Variants in TPCN1 observed in about 807,000 individuals in gnomAD.
TPCN1 encodes two pore channel protein 1.
Under a neutral mutation model 108.8 loss-of-function variants are expected in TPCN1, and 52 were observed. The ratio of observed to expected loss-of-function variants is 0.48; its 90% CI spans 0.38 to 0.60. The LOEUF is 0.60. Among genes scored for constraint, TPCN1 ranks in the 20% least tolerant of loss-of-function variants. TPCN1 has a pLI of 0.00. For synonymous variants in TPCN1, 446 were observed against 433.7 expected (o/e 1.03, Z -0.35); for missense variants, 806 against 1,072.8 (o/e 0.75, Z 3.47).
chr12:113,244,244 G>T, intron 2 of TPCN1: 3 of 946,130 alleles, frequency 3.2e-6, no homozygotes, highest in Non-Finnish European at 1.3e-6. Context: ...GTACTGCCCC[G>T]TTGAGCCTTT....
At chr12:113,223,686 G>A (rs1013956100) in intron 1 of TPCN1, among the ~76,000 whole-genome samples, 1 of 152,126 alleles carries the variant, frequency 6.6e-6, no homozygotes, top group Admixed American at 6.6e-5. Flanking sequence ...TGGGATTACA[G>A]GCATGCACCA....
At chr12:113,233,199 C>T (rs531039622) in intron 2 of TPCN1, among the ~76,000 whole-genome samples, 32 of 152,344 alleles carry the variant, frequency 2.1e-4, no homozygotes, top group African/African-American at 7.5e-4. Context: ...CATCTCTTCC[C>T]GTCCCCCTTT....
chr12:113,249,915 C>G (rs1206919952), intron 2 of TPCN1: 1 of 152,288 alleles, frequency 6.6e-6, no homozygotes, highest in Non-Finnish European at 1.5e-5. Context: ...GCTGACCAAT[C>G]TCTGTGCTTC....
intron 3 of TPCN1, among the ~76,000 whole-genome samples, chr12:113,262,086 G>A (rs1955061530): frequency 6.6e-6 from 1 of 152,184 alleles, no homozygotes; most frequent in African/African-American, 2.4e-5. Context: ...TTGAGTAAGA[G>A]CTTGGATGAG....
chr12:113,222,998 A>G (rs553681456), intron 1 of TPCN1, among the ~76,000 whole-genome samples: 1 of 152,318 alleles, frequency 6.6e-6, no homozygotes, highest in Admixed American at 6.5e-5. Context: ...GTTTGAAAAT[A>G]TCTGTGGTAA....
At chr12:113,252,492 T>C (rs1342797006) in intron 2 of TPCN1, among the ~76,000 whole-genome samples, 1 of 151,908 alleles carries the variant, frequency 6.6e-6, no homozygotes, top group African/African-American at 2.4e-5. Context: ...CCAAAGGGGG[T>C]CTTCACGGCA....
intron 17 of TPCN1, among the ~76,000 whole-genome samples, 179 bp from the exon 18 acceptor site, chr12:113,285,710 A>AT (rs2136723627): frequency 6.6e-6 from 1 of 152,320 alleles, no homozygotes; most frequent in East Asian, 1.9e-4. Context: ...GTTGGCCACC[A>AT]TCTAGGCCCT....
chr12:113,263,145 A>G (rs1449167791), intron 3 of TPCN1, among the ~76,000 whole-genome samples: 1 of 152,192 alleles, frequency 6.6e-6, no homozygotes, highest in Non-Finnish European at 1.5e-5. Flanking sequence ...GGCTGATGGA[A>G]TTTTTACTAC....
intron 2 of TPCN1, among the ~76,000 whole-genome samples, chr12:113,243,428 T>C (rs149168443): frequency 7.6e-4 from 115 of 152,046 alleles, no homozygotes; most frequent in African/African-American, 2.5e-3. Flanking sequence ...TGTGATTTAT[T>C]AAGACTAGAG....
At chr12:113,249,297 A>G (rs1005293291) in intron 2 of TPCN1, among the ~76,000 whole-genome samples, 3 of 152,230 alleles carry the variant, frequency 2.0e-5, no homozygotes, top group Non-Finnish European at 2.9e-5. Flanking sequence ...TATGCTGTCC[A>G]TCAGAAGAGA....
chr12:113,246,691 C>T (rs1954400629), intron 2 of TPCN1, among the ~76,000 whole-genome samples: 1 of 152,230 alleles, frequency 6.6e-6, no homozygotes, highest in African/African-American at 2.4e-5. Context: ...GTGAGGTCGT[C>T]CTGTCTTCTC....
chr12:113,267,446 T>C (rs1955307564), intron 4 of TPCN1, among the ~76,000 whole-genome samples: 1 of 151,994 alleles, frequency 6.6e-6, no homozygotes, highest in Non-Finnish European at 1.5e-5. Context: ...TTGCCCAGGC[T>C]GGTGTGCAGT....
intron 2 of TPCN1, chr12:113,245,981 C>T (rs959473376): frequency 3.5e-5 from 16 of 455,980 alleles, no homozygotes; most frequent in African/African-American, 1.8e-4. Flanking sequence ...TCCGATGTGG[C>T]GTGCAAAGCA....
chr12:113,234,612 C>T (rs959800625), intron 2 of TPCN1, among the ~76,000 whole-genome samples: 1 of 152,102 alleles, frequency 6.6e-6, no homozygotes, highest in African/African-American at 2.4e-5. Context: ...TATTTATCTC[C>T]TTGTAAAAAG....
chr12:113,253,522 C>T (rs1330714363), intron 2 of TPCN1, among the ~76,000 whole-genome samples: 1 of 152,198 alleles, frequency 6.6e-6, no homozygotes, highest in Non-Finnish European at 1.5e-5. Flanking sequence ...TTTGAGATGG[C>T]TCCTTGATGT....
In TPCN1 at chr12:113,231,531, A is replaced by G. The variant is rs1187038055; in HGVS notation, c.112+4567A>G. Among the ~76,000 whole-genome samples the G allele has an allele frequency of 3.3e-5, 5 of 152,152 alleles. No homozygotes were observed. Among genetic ancestry groups the G allele is most frequent in the Admixed American group, 1.3e-4 (2 of 15,278 alleles). Reference sequence around the variant, plus strand: ...CTACTGGGGGTTAGGACTTCAGCCTATGAATTTGAGGGGGACACAGTTCAG... The same window carrying G: ...CTACTGGGGGTTAGGACTTCAGCCTGTGAATTTGAGGGGGACACAGTTCAG... On this transcript the variant is annotated intron_variant, in intron 2 of 27. Coordinates refer to ENST00000335509, the MANE Select transcript of TPCN1 (RefSeq NM_017901.6). The surrounding 1 kb of genome is among the most constrained non-coding windows in gnomAD (Gnocchi z 4.3).
At chr12:113,258,117 A>G (rs1054499444) in intron 2 of TPCN1, among the ~76,000 whole-genome samples, 4 of 152,184 alleles carry the variant, frequency 2.6e-5, no homozygotes, top group Non-Finnish European at 5.9e-5. Flanking sequence ...ATCAAACTGT[A>G]TTCTTAAAAT....
chr12:113,240,933 A>G (rs1353537003), intron 2 of TPCN1, among the ~76,000 whole-genome samples: 2 of 151,830 alleles, frequency 1.3e-5, no homozygotes, highest in Non-Finnish European at 2.9e-5. Flanking sequence ...TTTTGTAGAG[A>G]TGGGGTTTCA....
chr12:113,235,597 A>C (rs1953860632), intron 2 of TPCN1, among the ~76,000 whole-genome samples: 1 of 152,118 alleles, frequency 6.6e-6, no homozygotes, highest in African/African-American at 2.4e-5. Flanking sequence ...AACTAAGTCG[A>C]GTTACTAAAA....
Sources: gnomAD v4.1 joint callset for allele counts (sites outside exome capture counted in the v4.1 genomes callset) on GRCh38, gnomAD v4.1.1 for gene constraint, Gnocchi (gnomAD v3.1) non-coding constraint, MANE v1.5 for transcripts, NCBI Gene and HGNC (gene_info 2026-07-23, HGNC 2026-07-21) for gene names.